Variants in SAMD5 observed in about 807,000 individuals in gnomAD.
SAMD5 encodes the protein sterile alpha motif domain-containing protein 5.
A neutral mutation model predicts 11.3 loss-of-function variants in SAMD5; 13 were observed. The observed-to-expected ratio is 1.15, with a 90% CI of 0.75 to 1.83. The LOEUF is 1.83. Among genes scored for constraint, SAMD5 ranks in the 40% most tolerant of loss-of-function variants. The pLI is 0.00. For missense variants in SAMD5, 255 were observed against 239.1 expected (o/e 1.07, Z -0.44); for synonymous variants, 129 against 111.3 (o/e 1.16, Z -1.00).
intron 1 of SAMD5, among the ~76,000 whole-genome samples, chr6:147,622,840 G>A (rs1789990525): frequency 6.6e-6 from 1 of 152,180 alleles, no homozygotes; most frequent in Non-Finnish European, 1.5e-5. Context: ...GGATGGGGAG[G>A]CCTCACAATC....
At chr6:147,605,724 C>T (rs563621659) in intron 1 of SAMD5, among the ~76,000 whole-genome samples, 34 of 152,110 alleles carry the variant, frequency 2.2e-4, no homozygotes, top group South Asian at 1.7e-3. Flanking sequence ...GCAATTTATG[C>T]AAATTTATCA....
intron 1 of SAMD5, among the ~76,000 whole-genome samples, chr6:147,613,283 G>T (rs1192570532): frequency 6.6e-6 from 1 of 151,888 alleles, no homozygotes; most frequent in Non-Finnish European, 1.5e-5. Flanking sequence ...TAGTCAATGG[G>T]TTTTTGTCCT....
At chr6:147,516,446 A>G (rs1788171718) in intron 1 of SAMD5, among the ~76,000 whole-genome samples, 1 of 152,212 alleles carries the variant, frequency 6.6e-6, no homozygotes. Flanking sequence ...CTTCTGTGAA[A>G]TATGGGCAAA....
chr6:147,815,413 C>T, the SAMD5 span, among the ~76,000 whole-genome samples: 51 of 152,282 alleles, frequency 3.3e-4, no homozygotes, highest in African/African-American at 1.2e-3. Context: ...AAAACCCCAT[C>T]AGTGTGCCCA....
intron 1 of SAMD5, among the ~76,000 whole-genome samples, chr6:147,606,828 A>T (rs1425673811): frequency 2.6e-5 from 4 of 152,164 alleles, no homozygotes; most frequent in Admixed American, 2.6e-4. Context: ...TCACAAGGTC[A>T]CACATTAGTG....
the SAMD5 span, among the ~76,000 whole-genome samples, chr6:147,875,022 G>A: frequency 1.3e-5 from 2 of 152,158 alleles, no homozygotes; most frequent in East Asian, 3.9e-4. Flanking sequence ...GTTTTCTTAA[G>A]CAAAGATTGT....
chr6:147,757,330 ACAT>A, the SAMD5 span, among the ~76,000 whole-genome samples: 1 of 152,196 alleles, frequency 6.6e-6, no homozygotes, highest in Non-Finnish European at 1.5e-5. Flanking sequence ...GGGGTTGACA[ACAT>A]CATTTCAGGG....
intron 1 of SAMD5, among the ~76,000 whole-genome samples, chr6:147,600,541 TC>T (rs1161495460): frequency 9.2e-5 from 14 of 152,218 alleles, no homozygotes; most frequent in African/African-American, 3.4e-4. Context: ...TTCCCTGATC[TC>T]AGATTTGTCT....
chr6:147,728,015 A>G lies in SAMD5; in HGVS notation c.163-9302A>G, dbSNP rs116798217. Among the ~76,000 whole-genome samples the G allele has an allele frequency of 6.8e-3, 1,037 of 152,330 alleles. 12 individuals carry two copies. Among genetic ancestry groups the G allele is most frequent in the African/African-American group, 0.023 (968 of 41,566 alleles). ...AGAGGAGGGTGATTGCCTCTTTATG[A>G]AAGTATTCCAATCAGTAAATGAAAA... On this transcript the variant is annotated intron_variant, in intron 1 of 1. Coordinates refer to the SAMD5 transcript ENST00000566741.
At chr6:147,539,459 G>A (rs917267221) in intron 1 of SAMD5, among the ~76,000 whole-genome samples, 2 of 152,100 alleles carry the variant, frequency 1.3e-5, no homozygotes, top group African/African-American at 2.4e-5. Context: ...TTCATAATGC[G>A]AAGTAATTTC....
chr6:147,790,756 T>TCTC, the SAMD5 span, among the ~76,000 whole-genome samples: 14 of 28,960 alleles, frequency 4.8e-4, no homozygotes, highest in East Asian at 1.0e-3. Context: ...CTCTCTCTCT[T>TCTC]TCTCTCTCTC....
the SAMD5 span, among the ~76,000 whole-genome samples, chr6:147,923,539 G>A: frequency 1.3e-5 from 2 of 152,034 alleles, no homozygotes; most frequent in Admixed American, 6.6e-5. Context: ...AAGTGCTTTC[G>A]GTTTAGATTT....
At chr6:147,719,186 AC>A (rs1791510634) in intron 1 of SAMD5, among the ~76,000 whole-genome samples, 1 of 152,194 alleles carries the variant, frequency 6.6e-6, no homozygotes, top group Non-Finnish European at 1.5e-5. Flanking sequence ...CAGAAAGCTG[AC>A]TTCTCTGGAA....
At position 147,526,474 on chromosome 6, in the gene SAMD5, T is replaced by C. The variant is rs528018314; in HGVS notation, c.459+17087T>C. Among the ~76,000 whole-genome samples, 7 of 152,300 alleles carry C rather than the reference T, an allele frequency of 4.6e-5. No individual in the cohort carries two copies. In the East Asian group the frequency reaches 1.4e-3, roughly 29 times the overall value. On this transcript the variant is annotated intron_variant, in intron 1 of 1. Transcript: ENST00000367474. The stretch of plus-strand genomic sequence containing the variant: ...AAGTAAACATAACATTTCAGCATCA[T>C]ATGAATGCCAAAATGAAATACAAAC...
At chr6:147,753,132 T>C in the SAMD5 span, among the ~76,000 whole-genome samples, 1 of 152,222 alleles carries the variant, frequency 6.6e-6, no homozygotes, top group Admixed American at 6.5e-5. Context: ...ATTAACACTG[T>C]TATCAGTGTT....
At chr6:147,729,357 ACTGT>A (rs779437657) in intron 1 of SAMD5, among the ~76,000 whole-genome samples, 6 of 152,306 alleles carry the variant, frequency 3.9e-5, no homozygotes, top group Non-Finnish European at 8.8e-5. Flanking sequence ...TATTTTCACT[ACTGT>A]CTAAGACAAG....
intron 1 of SAMD5, among the ~76,000 whole-genome samples, chr6:147,584,463 C>A (rs973910622): frequency 1.3e-5 from 2 of 152,188 alleles, no homozygotes; most frequent in African/African-American, 4.8e-5. Flanking sequence ...TGGACAGTGG[C>A]CACTTAGCCT....
the SAMD5 span, among the ~76,000 whole-genome samples, chr6:147,800,347 C>G: frequency 3.3e-5 from 5 of 152,110 alleles, no homozygotes; most frequent in African/African-American, 9.7e-5. Flanking sequence ...GTCAGTGTGC[C>G]CCTGCTGGAG....
At chr6:147,614,712 A>G (rs923211132) in intron 1 of SAMD5, among the ~76,000 whole-genome samples, 2 of 152,048 alleles carry the variant, frequency 1.3e-5, no homozygotes, top group East Asian at 3.9e-4. Flanking sequence ...GAAGGGACCC[A>G]AGAGAACTTT....
Sources: gnomAD v4.1 joint callset for allele counts (sites outside exome capture counted in the v4.1 genomes callset) on GRCh38, gnomAD v4.1.1 for gene constraint, MANE v1.5 for transcripts, NCBI Gene and HGNC (gene_info 2026-07-23, HGNC 2026-07-21) for gene names.